The following PAPSS1 variants were observed in gnomAD, a reference collection of about 807,000 sequenced individuals.
The protein encoded by PAPSS1 is 3'-phosphoadenosine 5'-phosphosulfate synthase 1.
A neutral mutation model predicts 72.0 loss-of-function variants in PAPSS1; 50 were observed. The observed-to-expected ratio is 0.69, with a 90% CI of 0.55 to 0.88. PAPSS1 has a LOEUF of 0.88. Among genes scored for constraint, PAPSS1 ranks in the 40% least tolerant of loss-of-function variants. The pLI, the probability that PAPSS1 is intolerant of heterozygous loss-of-function variation, is 0.00. For synonymous variants in PAPSS1, 261 were observed against 263.6 expected (o/e 0.99, Z 0.09); for missense variants, 657 against 782.2 (o/e 0.84, Z 1.91).
rs1291653894 is a variant in PAPSS1 at position 107,693,797 on chromosome 4, T to G, written c.385A>C (p.Thr129Pro). 1.9e-6 allele frequency: 3 copies of G among 1,613,450 alleles called. No individual in the cohort carries two copies. Among genetic ancestry groups the G allele is most frequent in the Non-Finnish European group, 2.5e-6 (3 of 1,179,596 alleles). The stretch of plus-strand genomic sequence containing the variant: ...TGAGTGTAAGGTGATATGAAACTTG[T>G]GATGCACACTAAGCCAGCATCTGCA... Reference protein sequence around the residue: ...LFADAGLVCITSFISPYTQDR... With the variant: ...LFADAGLVCIPSFISPYTQDR... The change falls in exon 3 of 12, where the codon ACA (threonine) becomes CCA (proline). Residue 129 changes from threonine (T) to proline (P), a missense_variant. This residue lies in a region of PAPSS1 where 119 missense variants were observed against 171.1 expected (regional missense o/e 0.70). Coordinates refer to ENST00000265174, the MANE Select transcript of PAPSS1 (RefSeq NM_005443.5).
intron 5 of PAPSS1, among the ~76,000 whole-genome samples, chr4:107,672,226 A>G (rs575638801): frequency 6.6e-6 from 1 of 152,298 alleles, no homozygotes; most frequent in African/African-American, 2.4e-5. Context: ...GGTGCAGGAC[A>G]GTGGGTGCAG....
In PAPSS1 at chr4:107,682,082, A is replaced by G. The variant is rs988135689; in HGVS notation, c.602T>C (p.Val201Ala). ...EYEKPEAPEL[V>A]LKTDSCDVND... Reference sequence around the variant, plus strand: ...TACATCACAGGAGTCTGTTTTCAGCACCAACTCAGGGGCCTCTGGCTTTTC... The same window carrying G: ...TACATCACAGGAGTCTGTTTTCAGCGCCAACTCAGGGGCCTCTGGCTTTTC... Residue 201 changes from valine to alanine, a missense_variant, in exon 5 of 12, where the codon GTG becomes GCG. This residue lies in a region of PAPSS1 where 28 missense variants were observed against 60.8 expected (regional missense o/e 0.46). Coordinates refer to ENST00000265174, the MANE Select transcript of PAPSS1 (RefSeq NM_005443.5). 6.2e-7 allele frequency: 1 copy of G among 1,612,254 alleles called. No homozygotes were observed. The highest frequency in any genetic ancestry group is 8.5e-7 in the Non-Finnish European group (1 of 1,178,578).
intron 1 of PAPSS1, among the ~76,000 whole-genome samples, chr4:107,717,955 G>T (rs886817822): frequency 3.3e-5 from 5 of 152,130 alleles, no homozygotes; most frequent in African/African-American, 1.2e-4. Flanking sequence ...GAATTAACAA[G>T]AACATAAATA....
intron 5 of PAPSS1, among the ~76,000 whole-genome samples, chr4:107,670,962 G>T (rs1038819714): frequency 1.3e-5 from 2 of 152,222 alleles, no homozygotes; most frequent in Non-Finnish European, 2.9e-5. Flanking sequence ...TTATAGGACA[G>T]ACTAAAGGGC....
At chr4:107,653,918 T>C (rs191118774) in intron 8 of PAPSS1, among the ~76,000 whole-genome samples, 1 of 152,366 alleles carries the variant, frequency 6.6e-6, no homozygotes, top group Non-Finnish European at 1.5e-5. Flanking sequence ...ATCATACATT[T>C]ATTAACAGAA....
chr4:107,691,552 C>T (rs1578425448), intron 3 of PAPSS1, among the ~76,000 whole-genome samples: 1 of 152,226 alleles, frequency 6.6e-6, no homozygotes, highest in East Asian at 1.9e-4. Flanking sequence ...GTCCAAGAGC[C>T]GGGCTTGGCA....
chr4:107,654,594 T>C (rs1434609950), intron 8 of PAPSS1, 101 bp downstream of exon 8: 1 of 923,474 alleles, frequency 1.1e-6, no homozygotes, highest in Non-Finnish European at 1.7e-6. Context: ...ATGCAAAATA[T>C]TAACAATTCC....
chr4:107,678,102 A>T (rs1727707119), intron 5 of PAPSS1, among the ~76,000 whole-genome samples: 1 of 152,002 alleles, frequency 6.6e-6, no homozygotes, highest in African/African-American at 2.4e-5. Context: ...CGAGTTAATG[A>T]CTGCAGCACA....
intron 5 of PAPSS1, among the ~76,000 whole-genome samples, chr4:107,670,819 T>C (rs1727447677): frequency 6.6e-6 from 1 of 152,198 alleles, no homozygotes; most frequent in Non-Finnish European, 1.5e-5. Context: ...ATTACAAGTG[T>C]GAACCACCAC....
At chr4:107,635,073 C>T (rs1446026353) in intron 10 of PAPSS1, among the ~76,000 whole-genome samples, 4 of 152,176 alleles carry the variant, frequency 2.6e-5, no homozygotes, top group Non-Finnish European at 5.9e-5. Context: ...GCCAGGATTA[C>T]AGGCGTGAGC....
intron 5 of PAPSS1, among the ~76,000 whole-genome samples, chr4:107,667,522 C>A (rs1371562483): frequency 6.6e-6 from 1 of 151,482 alleles, no homozygotes; most frequent in East Asian, 1.9e-4. Context: ...AGCCCTTAAC[C>A]TGTGAGGTCT....
rs1002071740 is a variant in PAPSS1 at position 107,720,225 on chromosome 4, G to A, written c.-46C>T. 2 of 1,570,770 alleles carry A rather than the reference G, an allele frequency of 1.3e-6. No homozygotes were observed. Among genetic ancestry groups the A allele is most frequent in the Non-Finnish European group, 1.7e-6 (2 of 1,157,464 alleles). Reference sequence around the variant, plus strand: ...AGCCGGGGTTCTCTGCGCCGGGAGGGTAGCAAGAGGAGGGCAGGCCAGCGA... The same window carrying A: ...AGCCGGGGTTCTCTGCGCCGGGAGGATAGCAAGAGGAGGGCAGGCCAGCGA... On this transcript the variant is annotated 5_prime_UTR_variant, in exon 1 of 12. Transcript: ENST00000265174.
intron 5 of PAPSS1, among the ~76,000 whole-genome samples, chr4:107,660,448 T>G (rs926136930): frequency 6.6e-6 from 1 of 152,316 alleles, no homozygotes; most frequent in African/African-American, 2.4e-5. Context: ...GAAACCATTT[T>G]ATTCCAGCTT....
At chr4:107,671,761 T>C (rs1439425017) in intron 5 of PAPSS1, among the ~76,000 whole-genome samples, 5 of 152,210 alleles carry the variant, frequency 3.3e-5, no homozygotes, top group Non-Finnish European at 7.3e-5. Flanking sequence ...ACACTTCATA[T>C]CATCTCTGGA....
chr4:107,631,332 C>T (rs1726220316), intron 11 of PAPSS1, among the ~76,000 whole-genome samples: 1 of 152,200 alleles, frequency 6.6e-6, no homozygotes, highest in Non-Finnish European at 1.5e-5. Context: ...GAGTAAACAT[C>T]ACTAAGTCCT....
At chr4:107,709,185 A>C (rs1723423871) in intron 1 of PAPSS1, among the ~76,000 whole-genome samples, 1 of 152,232 alleles carries the variant, frequency 6.6e-6, no homozygotes, top group Non-Finnish European at 1.5e-5. Context: ...TCATATTAAA[A>C]AATAAACTTA....
chr4:107,690,916 A>T (rs1411056650), intron 3 of PAPSS1, among the ~76,000 whole-genome samples: 1 of 152,120 alleles, frequency 6.6e-6, no homozygotes, highest in East Asian at 1.9e-4. Context: ...CGAGAGCTGC[A>T]AGATTCCCAC....
At chr4:107,675,213 A>G (rs1006886355) in intron 5 of PAPSS1, among the ~76,000 whole-genome samples, 1 of 152,218 alleles carries the variant, frequency 6.6e-6, no homozygotes, top group Non-Finnish European at 1.5e-5. Flanking sequence ...CAGAGACACA[A>G]AAAACTCTTC....
chr4:107,661,060 A>G lies in PAPSS1; in HGVS notation c.670-988T>C, dbSNP rs190117295. Among the ~76,000 whole-genome samples, 24 of 152,356 alleles carry G rather than the reference A, an allele frequency of 1.6e-4. No homozygotes were observed. In the East Asian group the frequency reaches 4.2e-3, roughly 27 times the overall value. ...AAATGGGCAAAAGACCTGAATAGAC[A>G]TCTCATCAAAGAAGACACATAGATT... On this transcript the variant is annotated intron_variant, in intron 5 of 11. Coordinates refer to ENST00000265174, the MANE Select transcript of PAPSS1 (RefSeq NM_005443.5).
Sources: allele counts gnomAD v4.1 joint callset (sites outside exome capture counted in the v4.1 genomes callset), GRCh38; gene constraint gnomAD v4.1.1; regional missense constraint gnomAD v4.1.1; transcripts MANE v1.5; gene names NCBI Gene and HGNC (gene_info 2026-07-23, HGNC 2026-07-21).